The following RBBP4 variants were observed in gnomAD, a reference collection of about 807,000 sequenced individuals.
RBBP4 encodes RB binding protein 4, chromatin remodeling factor, also known as histone-binding protein RBBP4.
In RBBP4, 3 loss-of-function variants were observed where a neutral mutation model predicts 57.2. The ratio of observed to expected loss-of-function variants is 0.05; its 90% CI spans 0.02 to 0.14. The LOEUF (loss-of-function observed/expected upper bound fraction) is 0.14. Ranked by LOEUF, RBBP4 falls within the 10% of genes least tolerant of loss-of-function variation. The pLI is 1.00. For synonymous variants in RBBP4, 151 were observed against 171.5 expected, an observed-to-expected ratio of 0.88 and a Z score of 0.93; for missense variants, 107 against 520.6, an observed-to-expected ratio of 0.21 and a Z score of 7.73.
rs1204912954 is a variant in RBBP4, at chr1:32,685,316, GAGGAATA to G, written c.*5615_*5621del. On this transcript the variant is annotated 3_prime_UTR_variant, in exon 12 of 12. Transcript: ENST00000373493. ...TTTTCCCTGCCTAGGATGTATACCT[GAGGAATA>G]AGGTAAGGAAGATGTCAGCAAGTCA... The G allele has an allele frequency of 6.6e-6, 1 of 152,180 alleles. No individual in the cohort carries two copies. The highest frequency in any genetic ancestry group is 1.5e-5 in the Non-Finnish European group (1 of 68,036). 9.4% of individuals were successfully genotyped at this position (152,180 alleles called of 1,614,324 possible). A position where few individuals can be genotyped will look rare whatever the true frequency, so the allele number is the denominator to read the frequency against.
intron 2 of RBBP4, among the ~76,000 whole-genome samples, chr1:32,656,805 A>T (rs1268533121): frequency 6.6e-6 from 1 of 152,024 alleles, no homozygotes; most frequent in Admixed American, 6.6e-5. Flanking sequence ...CATTCTTTTC[A>T]ATTTCTTTGC....
intron 11 of RBBP4, 102 bp from the exon 12 acceptor site, chr1:32,679,538 A>C: frequency 1.9e-6 from 2 of 1,057,770 alleles, no homozygotes; most frequent in Non-Finnish European, 2.7e-6. Flanking sequence ...CCCAAAAGCT[A>C]TAAAGTATTT....
intron 11 of RBBP4, among the ~76,000 whole-genome samples, chr1:32,674,423 T>G (rs1197882850): frequency 1.3e-5 from 2 of 152,074 alleles, no homozygotes; most frequent in Non-Finnish European, 2.9e-5. Context: ...TTTGTAGAGA[T>G]GGGGTTTGCC....
rs756927602 is a variant in RBBP4, at chr1:32,669,213, G to T, written c.762-18G>T. Reference sequence around the variant, plus strand: ...CACCATTTCAAGGTTTTTTTCCTTTGTTTTTTTTTCACTGAAGTTGGGATA... The same window carrying T: ...CACCATTTCAAGGTTTTTTTCCTTTTTTTTTTTTTCACTGAAGTTGGGATA... On this transcript the variant is annotated intron_variant, in intron 6 of 11. Coordinates refer to ENST00000373493, the MANE Select transcript of RBBP4 (RefSeq NM_005610.3). The surrounding 1 kb of genome is among the most constrained non-coding windows in gnomAD (Gnocchi z 4.9). 6.3e-7 allele frequency: 1 copy of T among 1,591,226 alleles called. No individual in the cohort carries two copies. The highest frequency in any genetic ancestry group is 1.8e-5 in the Admixed American group (1 of 56,550).
Position 32,684,325 on chromosome 1 carries a change from G to A in RBBP4, c.*4620G>A. 6.2e-7 allele frequency: 1 copy of A among 1,614,120 alleles called. No individual in the cohort carries two copies. Among genetic ancestry groups the A allele is most frequent in the African/African-American group, 1.3e-5 (1 of 75,030 alleles). Reference sequence around the variant, plus strand: ...TCCATCTCTTTGTTCTTCTGTTGCTGGAGTTGCACCCCATTTCTTAACTGC... The same window carrying A: ...TCCATCTCTTTGTTCTTCTGTTGCTAGAGTTGCACCCCATTTCTTAACTGC... On this transcript the variant is annotated 3_prime_UTR_variant, in exon 12 of 12. Coordinates refer to ENST00000373493, the MANE Select transcript of RBBP4 (RefSeq NM_005610.3).
intron 3 of RBBP4, among the ~76,000 whole-genome samples, chr1:32,662,799 C>T (rs1021361596): frequency 2.0e-5 from 3 of 151,504 alleles, no homozygotes; most frequent in South Asian, 2.1e-4. Flanking sequence ...GCTTGGCCAA[C>T]GTGGTGAAAC....
intron 2 of RBBP4, 27 bp downstream of exon 2, chr1:32,652,088 T>A: frequency 1.3e-6 from 2 of 1,595,424 alleles, no homozygotes; most frequent in Non-Finnish European, 8.6e-7. Flanking sequence ...GAACGTTATT[T>A]TGATGTATTT....
At position 32,657,635 on chromosome 1, in the gene RBBP4, ATAAAG is replaced by A. The variant is rs1648200550; in HGVS notation, c.310+68_310+72del. The A allele has an allele frequency of 4.2e-5, 64 of 1,526,348 alleles. 2 individuals carry two copies. In the South Asian group the frequency reaches 7.8e-4, roughly 19 times the overall value. 94.6% of individuals were successfully genotyped at this position (1,526,348 alleles called of 1,614,324 possible). A position where few individuals can be genotyped will look rare whatever the true frequency, so the allele number is the denominator to read the frequency against. On this transcript the variant is annotated intron_variant, in intron 3 of 11. Transcript: ENST00000373493. ...GGTCATATCTGTTATGTGCACTTTGATAAAGTAAACTCTGACTTTAGAAACAATAT... is the reference window on the plus strand; with the variant it reads ...GGTCATATCTGTTATGTGCACTTTGATAAACTCTGACTTTAGAAACAATAT...
Position 32,651,241 on chromosome 1 carries a change from T to C in RBBP4, c.-66T>C. ...TAGAGGCCGCGCGCACAGAGCGAGC[T>C]CTTGCAGCCTCCCCGCCCCTCCCGC... On this transcript the variant is annotated 5_prime_UTR_variant, in exon 1 of 12. Transcript: ENST00000373493. 6.6e-7 allele frequency: 1 copy of C among 1,505,672 alleles called. No individual in the cohort carries two copies. The highest frequency in any genetic ancestry group is 8.9e-7 in the Non-Finnish European group (1 of 1,126,604). 93.3% of individuals were successfully genotyped at this position (1,505,672 alleles called of 1,614,324 possible).
chr1:32,671,337 C>T (rs1440131737), intron 8 of RBBP4, among the ~76,000 whole-genome samples: 1 of 152,128 alleles, frequency 6.6e-6, no homozygotes, highest in Non-Finnish European at 1.5e-5. Context: ...GTAATCTCAG[C>T]GCTTTGGGAG....
In RBBP4 at chr1:32,681,962, C is replaced by A; in HGVS notation, c.*2257C>A. ...TGTTACAGTGTGATTTATGGATGAT[C>A]AGGGATGACTTTCCCCTAGCAAATA... On this transcript the variant is annotated 3_prime_UTR_variant, in exon 12 of 12. Transcript: ENST00000373493. 1 of 1,062,134 alleles carries A rather than the reference C, an allele frequency of 9.4e-7. No individual in the cohort carries two copies. Among genetic ancestry groups the A allele is most frequent in the Admixed American group, 1.9e-5 (1 of 52,784 alleles). The allele number at this position is 1,062,134 out of a possible 1,614,324, so 65.8% of individuals were successfully genotyped here.
At chr1:32,668,919 G>A in intron 5 of RBBP4, 53 bp from the exon 6 acceptor site, 3 of 1,612,304 alleles carry the variant, frequency 1.9e-6, no homozygotes, top group Non-Finnish European at 2.5e-6. Flanking sequence ...TTTTTGGGGT[G>A]TGTGGGGAGG....
At chr1:32,673,513 C>T (rs1648963909) in intron 11 of RBBP4, 2 of 419,056 alleles carry the variant, frequency 4.8e-6, no homozygotes. Flanking sequence ...TCTCGGCTCA[C>T]TGCAACTTCC....
At chr1:32,658,245 GTTGA>G (rs1648229895) in intron 3 of RBBP4, among the ~76,000 whole-genome samples, 1 of 152,050 alleles carries the variant, frequency 6.6e-6, no homozygotes, top group South Asian at 2.1e-4. Context: ...AATCTTACTG[GTTGA>G]TTGTTTAAAG....
intron 11 of RBBP4, among the ~76,000 whole-genome samples, chr1:32,673,802 A>G (rs1648976991): frequency 6.6e-6 from 1 of 152,134 alleles, no homozygotes; most frequent in African/African-American, 2.4e-5. Context: ...TAATATTTTT[A>G]AAATAGTTAT....
chr1:32,673,038 A>AT (rs1648941002), intron 11 of RBBP4, 137 bp downstream of exon 11: 1 of 726,020 alleles, frequency 1.4e-6, no homozygotes, highest in Non-Finnish European at 2.3e-6. Context: ...TTGTCTATAC[A>AT]TTATCATTTT....
chr1:32,661,870 C>CTTTTTTTTTT lies in RBBP4; in HGVS notation c.310+4325_310+4334dup, dbSNP rs71006354. ...AGTGTCTGTTCATGTCCTTTGCCCA[C>CTTTTTTTTTT]TTTTTTTTTTTTTTTTTTTTTTTTT... On this transcript the variant is annotated intron_variant, in intron 3 of 11. Transcript: ENST00000373493. Among the ~76,000 whole-genome samples, 5 of 49,308 alleles carry CTTTTTTTTTT rather than the reference C, an allele frequency of 1.0e-4. 2 individuals are homozygous for CTTTTTTTTTT. Among genetic ancestry groups the CTTTTTTTTTT allele is most frequent in the South Asian group, 7.3e-4 (1 of 1,370 alleles). The allele number at this position is 49,308 out of a possible 152,430, so 32.3% of individuals were successfully genotyped here. A position where few individuals can be genotyped will look rare whatever the true frequency, so the allele number is the denominator to read the frequency against.
At chr1:32,654,758 A>G (rs1648058509) in intron 2 of RBBP4, among the ~76,000 whole-genome samples, 1 of 152,134 alleles carries the variant, frequency 6.6e-6, no homozygotes, top group Admixed American at 6.6e-5. Context: ...CAGTGGCATG[A>G]TCTGAGCTCA....
Position 32,684,448 on chromosome 1 carries a change from AC to A in RBBP4, c.*4744del. Reference sequence around the variant, plus strand: ...ATAAAAACTCACATTGTCCACTCTTACTTATAAAACACTTTTTTGTTCATTG... The same window carrying A: ...ATAAAAACTCACATTGTCCACTCTTATTATAAAACACTTTTTTGTTCATTG... On this transcript the variant is annotated 3_prime_UTR_variant, in exon 12 of 12. Transcript: ENST00000373493. The A allele has an allele frequency of 1.2e-6, 2 of 1,604,408 alleles. No homozygotes were observed. The highest frequency in any genetic ancestry group is 8.5e-7 in the Non-Finnish European group (1 of 1,174,962).
Sources: gnomAD v4.1 joint callset for allele counts (sites outside exome capture counted in the v4.1 genomes callset) on GRCh38, gnomAD v4.1.1 for gene constraint, Gnocchi (gnomAD v3.1) non-coding constraint, MANE v1.5 for transcripts, NCBI Gene and HGNC (gene_info 2026-07-23, HGNC 2026-07-21) for gene names.